Variants in RALGAPA2 observed in about 807,000 individuals in gnomAD.
RALGAPA2 encodes the protein Ral GTPase activating protein catalytic subunit alpha 2, also known as ral GTPase-activating protein subunit alpha-2.
RALGAPA2 carries 139 observed loss-of-function variants against 230.4 expected under a neutral mutation model. The observed-to-expected ratio is 0.60, with a 90% CI of 0.53 to 0.69. The LOEUF (loss-of-function observed/expected upper bound fraction) is 0.69. RALGAPA2 is among the 30% of genes least tolerant of loss of function. The probability of loss-of-function intolerance (pLI) is 0.00; values close to 1 mark genes in which losing one functional copy is unlikely to be tolerated. For synonymous variants in RALGAPA2, 847 were observed against 837.8 expected (o/e 1.01, Z -0.19); for missense variants, 2,163 against 2,276.0 (o/e 0.95, Z 1.01).
At chr20:20,552,363 A>G (rs898879756) in intron 23 of RALGAPA2, among the ~76,000 whole-genome samples, 7 of 152,174 alleles carry the variant, frequency 4.6e-5, no homozygotes, top group African/African-American at 1.7e-4. Context: ...ATCAAGAAAT[A>G]AAATCTGCAT....
intron 23 of RALGAPA2, among the ~76,000 whole-genome samples, chr20:20,562,640 A>G (rs988346696): frequency 7.2e-5 from 11 of 152,140 alleles, no homozygotes; most frequent in Non-Finnish European, 1.5e-4. Flanking sequence ...TGTCAGGTAG[A>G]TTTTCTTCTC....
intron 3 of RALGAPA2, among the ~76,000 whole-genome samples, chr20:20,660,147 AAGCCTGGG>A: frequency 6.6e-6 from 1 of 151,980 alleles, no homozygotes; most frequent in Admixed American, 6.6e-5. Flanking sequence ...ACTCTCACTT[AAGCCTGGG>A]AGGCGGAGGT....
chr20:20,507,861 G>C (rs2062579990), intron 33 of RALGAPA2, among the ~76,000 whole-genome samples: 1 of 152,092 alleles, frequency 6.6e-6, no homozygotes, highest in African/African-American at 2.4e-5. Context: ...CTAAAAGACT[G>C]TCTCTTTCAA....
intron 9 of RALGAPA2, among the ~76,000 whole-genome samples, chr20:20,635,012 C>T (rs1321639239): frequency 6.6e-6 from 1 of 152,206 alleles, no homozygotes; most frequent in East Asian, 1.9e-4. Context: ...GGGTGCTCGG[C>T]AGCTTCACAG....
intron 1 of RALGAPA2, among the ~76,000 whole-genome samples, chr20:20,690,022 C>G (rs1017207783): frequency 3.9e-5 from 6 of 152,096 alleles, no homozygotes. Flanking sequence ...CTTTTTCAGT[C>G]TAAGGTTATT....
chr20:20,662,121 C>T (rs1431840350), intron 3 of RALGAPA2, among the ~76,000 whole-genome samples: 1 of 152,112 alleles, frequency 6.6e-6, no homozygotes, highest in South Asian at 2.1e-4. Context: ...AGCTATATAT[C>T]AAACTTCACA....
At chr20:20,598,498 T>C (rs929880379) in intron 16 of RALGAPA2, among the ~76,000 whole-genome samples, 15 of 152,208 alleles carry the variant, frequency 9.9e-5, no homozygotes, top group African/African-American at 2.7e-4. Context: ...TTCTTGACTA[T>C]CTAATTGCCA....
At chr20:20,553,396 A>T (rs2063986740) in intron 23 of RALGAPA2, among the ~76,000 whole-genome samples, 1 of 152,064 alleles carries the variant, frequency 6.6e-6, no homozygotes, top group African/African-American at 2.4e-5. Flanking sequence ...TACAAAAAAT[A>T]AAAAAATTAG....
chr20:20,487,119 T>C (rs572809281), intron 36 of RALGAPA2, among the ~76,000 whole-genome samples: 1 of 152,342 alleles, frequency 6.6e-6, no homozygotes, highest in South Asian at 2.1e-4. Flanking sequence ...TGCCTTTTAG[T>C]GGGCCTTGTA....
intron 15 of RALGAPA2, 134 bp downstream of exon 15, chr20:20,605,041 T>C (rs191698606): frequency 5.8e-6 from 4 of 689,552 alleles, no homozygotes; most frequent in South Asian, 1.9e-5. Flanking sequence ...CACAAATTAA[T>C]GCCACTATTA....
chr20:20,516,587 CAG>C (rs2062877849), intron 31 of RALGAPA2, among the ~76,000 whole-genome samples: 1 of 152,236 alleles, frequency 6.6e-6, no homozygotes, highest in South Asian at 2.1e-4. Flanking sequence ...TCAAGAAAGC[CAG>C]CACACTAAGC....
Position 20,591,303 on chromosome 20 carries a change from A to T in RALGAPA2, c.2215T>A (p.Cys739Ser). The change falls in exon 17 of 40, where the codon TGT becomes AGT. Residue 739 changes from cysteine to serine, a missense_variant. Coordinates refer to ENST00000202677, the MANE Select transcript of RALGAPA2 (RefSeq NM_020343.4). ...VRQKATEVEECQQSENAPAAG... is the reference protein window; with the variant it reads ...VRQKATEVEESQQSENAPAAG... ...GCAGGTGCATTTTCTGACTGTTGAC[A>T]CTCCTCCACTTCTGTGAGCATTAAC... 6.2e-7 allele frequency: 1 copy of T among 1,613,494 alleles called. No homozygotes were observed. The highest frequency in any genetic ancestry group is 8.5e-7 in the Non-Finnish European group (1 of 1,179,656).
At chr20:20,549,374 T>G (rs2063860331) in intron 23 of RALGAPA2, among the ~76,000 whole-genome samples, 1 of 152,094 alleles carries the variant, frequency 6.6e-6, no homozygotes. Flanking sequence ...CCTCAGCCAA[T>G]CACTTCAACG....
rs1356388186 is a variant in RALGAPA2, at chr20:20,572,937, A to C, written c.2839T>G (p.Ser947Ala). The change falls in exon 21 of 40, where the codon TCA (serine) becomes GCA (alanine). Residue 947 changes from serine to alanine, a missense_variant. Coordinates refer to ENST00000202677, the MANE Select transcript of RALGAPA2 (RefSeq NM_020343.4). The stretch of plus-strand genomic sequence containing the variant: ...AAAACTCTGGCATGGATCTTGGGTG[A>C]CTGGATGTTATTCACATCTCCGAGG... ...GILGDVNNIQ[S>A]PKIHARVFCY... 5.7e-6 allele frequency: 9 copies of C among 1,578,452 alleles called. No homozygotes were observed. The South Asian group carries it at 1.0e-4, about 18-fold the overall frequency.
At chr20:20,701,185 G>T (rs1017831436) in intron 1 of RALGAPA2, among the ~76,000 whole-genome samples, 3 of 152,096 alleles carry the variant, frequency 2.0e-5, no homozygotes, top group Non-Finnish European at 2.9e-5. Flanking sequence ...CCTTGAACAA[G>T]GTTCTTAACC....
At chr20:20,441,906 G>C (rs1352953605) in intron 37 of RALGAPA2, among the ~76,000 whole-genome samples, 3 of 151,990 alleles carry the variant, frequency 2.0e-5, no homozygotes, top group African/African-American at 7.3e-5. Flanking sequence ...AGCCAAGAAA[G>C]AAATTCTATT....
At chr20:20,500,482 T>C (rs1446116171) in intron 35 of RALGAPA2, among the ~76,000 whole-genome samples, 1 of 152,236 alleles carries the variant, frequency 6.6e-6, no homozygotes, top group African/African-American at 2.4e-5. Flanking sequence ...AAGAAGCAAC[T>C]TTTCATCCAG....
At chr20:20,636,856 C>G (rs969658139) in intron 8 of RALGAPA2, among the ~76,000 whole-genome samples, 2 of 152,130 alleles carry the variant, frequency 1.3e-5, no homozygotes, top group Non-Finnish European at 1.5e-5. Flanking sequence ...TCCTAGTCCT[C>G]TGGGGCTTAC....
At chr20:20,655,187 A>C (rs1307908137) in intron 3 of RALGAPA2, among the ~76,000 whole-genome samples, 1 of 152,178 alleles carries the variant, frequency 6.6e-6, no homozygotes, top group Non-Finnish European at 1.5e-5. Context: ...TTTAGTGAAA[A>C]ATACCTACAC....
Sources: gnomAD v4.1 joint callset for allele counts (sites outside exome capture counted in the v4.1 genomes callset) on GRCh38, gnomAD v4.1.1 for gene constraint, MANE v1.5 for transcripts, NCBI Gene and HGNC (gene_info 2026-07-23, HGNC 2026-07-21) for gene names.